SUSD6: variants seen among roughly 807,000 people sequenced by gnomAD.
SUSD6 encodes sushi domain-containing protein 6.
A neutral mutation model predicts 28.4 loss-of-function variants in SUSD6; 16 were observed. The observed-to-expected ratio is 0.56, with a 90% CI of 0.38 to 0.86. SUSD6 has a LOEUF of 0.86. Ranked by LOEUF, SUSD6 falls within the 40% of genes least tolerant of loss-of-function variation. The probability of loss-of-function intolerance (pLI) is 0.00; values close to 1 mark genes in which losing one functional copy is unlikely to be tolerated. For synonymous variants in SUSD6, 147 were observed against 159.6 expected (o/e 0.92, Z 0.59); for missense variants, 341 against 384.2 (o/e 0.89, Z 0.94).
At chr14:69,695,122 G>A (rs964437519) in intron 2 of SUSD6, among the ~76,000 whole-genome samples, 3 of 150,986 alleles carry the variant, frequency 2.0e-5, no homozygotes, top group African/African-American at 7.4e-5. Flanking sequence ...TGTCTCATAG[G>A]AGAGGAAGGT....
chr14:69,664,768 C>T (rs1256392497), intron 2 of SUSD6, among the ~76,000 whole-genome samples: 2 of 152,208 alleles, frequency 1.3e-5, no homozygotes, highest in South Asian at 2.1e-4. Flanking sequence ...AGCAATGGTG[C>T]CCCACTACCC....
intron 1 of SUSD6, among the ~76,000 whole-genome samples, chr14:69,639,061 C>T (rs1336713193): frequency 6.6e-6 from 1 of 152,136 alleles, no homozygotes; most frequent in African/African-American, 2.4e-5. Context: ...TGCAGTGGCT[C>T]ACGCCTGTAA....
At chr14:69,680,209 GCC>G (rs1450641212) in intron 2 of SUSD6, among the ~76,000 whole-genome samples, 1 of 152,114 alleles carries the variant, frequency 6.6e-6, no homozygotes, top group Non-Finnish European at 1.5e-5. Context: ...CCTCTCTGCA[GCC>G]CCTAACCCAC....
intron 2 of SUSD6, among the ~76,000 whole-genome samples, chr14:69,661,594 A>G (rs528334965): frequency 6.6e-6 from 1 of 152,088 alleles, no homozygotes; most frequent in African/African-American, 2.4e-5. Flanking sequence ...AGTTGCTACC[A>G]ATGTTTTTCC....
chr14:69,698,693 C>T (rs1004203184), intron 2 of SUSD6, among the ~76,000 whole-genome samples: 2 of 152,136 alleles, frequency 1.3e-5, no homozygotes, highest in Non-Finnish European at 2.9e-5. Flanking sequence ...GCTGAGGCGA[C>T]GGAGGTGGTG....
chr14:69,649,288 C>T (rs1312822395), intron 1 of SUSD6, among the ~76,000 whole-genome samples: 4 of 152,168 alleles, frequency 2.6e-5, no homozygotes, highest in Non-Finnish European at 5.9e-5. Flanking sequence ...TCATTGGAGA[C>T]ACAGAGCCCT....
chr14:69,635,504 T>TAAG (rs1595035618), intron 1 of SUSD6, among the ~76,000 whole-genome samples: 1 of 152,248 alleles, frequency 6.6e-6, no homozygotes, highest in East Asian at 1.9e-4. Flanking sequence ...CTGTACTTAC[T>TAAG]TGCCTTTCAG....
intron 1 of SUSD6, among the ~76,000 whole-genome samples, chr14:69,630,520 A>G (rs1160365465): frequency 6.6e-6 from 1 of 152,236 alleles, no homozygotes; most frequent in Non-Finnish European, 1.5e-5. Context: ...GAGGAAGGAC[A>G]GAATTGGTGA....
chr14:69,625,060 C>A (rs1443900285), intron 1 of SUSD6, among the ~76,000 whole-genome samples: 1 of 152,120 alleles, frequency 6.6e-6, no homozygotes, highest in Non-Finnish European at 1.5e-5. Flanking sequence ...CTAAAAGATA[C>A]TTAAATGGCA....
chr14:69,646,507 A>G (rs1437209545), intron 1 of SUSD6, among the ~76,000 whole-genome samples: 1 of 151,940 alleles, frequency 6.6e-6, no homozygotes, highest in Non-Finnish European at 1.5e-5. Context: ...ATTCATTTCT[A>G]ATTTGCCTGC....
intron 2 of SUSD6, among the ~76,000 whole-genome samples, chr14:69,678,583 G>A (rs1210182016): frequency 2.0e-5 from 3 of 151,924 alleles, no homozygotes; most frequent in African/African-American, 2.4e-5. Context: ...TGGGCAGATC[G>A]CTTGAGCCCA....
At chr14:69,685,644 A>C (rs752204089) in intron 2 of SUSD6, among the ~76,000 whole-genome samples, 1 of 152,230 alleles carries the variant, frequency 6.6e-6, no homozygotes, top group South Asian at 2.1e-4. Flanking sequence ...GGACCTACCT[A>C]AGAATATATT....
At chr14:69,673,282 G>A (rs571851592) in intron 2 of SUSD6, among the ~76,000 whole-genome samples, 35 of 152,328 alleles carry the variant, frequency 2.3e-4, no homozygotes, top group African/African-American at 8.2e-4. Context: ...CATCCCCAGA[G>A]TTTCTGGTTC....
intron 1 of SUSD6, among the ~76,000 whole-genome samples, chr14:69,634,136 A>G (rs1466879157): frequency 1.3e-5 from 2 of 152,212 alleles, no homozygotes; most frequent in Non-Finnish European, 2.9e-5. Context: ...TTCTTGGGGA[A>G]TGATGGTGAG....
chr14:69,666,833 T>G (rs1397079665), intron 2 of SUSD6, among the ~76,000 whole-genome samples: 1 of 152,220 alleles, frequency 6.6e-6, no homozygotes, highest in African/African-American at 2.4e-5. Flanking sequence ...TTCATTCTTT[T>G]TAAATCACAA....
At chr14:69,682,947 CTTTTTTTT>C (rs5809442) in intron 2 of SUSD6, among the ~76,000 whole-genome samples, 5,012 of 62,934 alleles carry the variant, frequency 0.08, 345 homozygotes, top group African/African-American at 0.22. Context: ...TCCAAGAAGC[CTTTTTTTT>C]TTTTTTTTTT....
intron 2 of SUSD6, among the ~76,000 whole-genome samples, chr14:69,699,635 T>A (rs1168584086): frequency 6.6e-6 from 1 of 152,064 alleles, no homozygotes; most frequent in Admixed American, 6.6e-5. Context: ...TTCTTTTCTA[T>A]GACCTTCATA....
intron 1 of SUSD6, among the ~76,000 whole-genome samples, chr14:69,631,458 A>G (rs1390824529): frequency 1.3e-5 from 2 of 152,104 alleles, no homozygotes; most frequent in East Asian, 1.9e-4. Flanking sequence ...TATCTGTGTA[A>G]GCTTGGATAG....
intron 2 of SUSD6, among the ~76,000 whole-genome samples, chr14:69,661,334 G>A (rs536964935): frequency 6.6e-6 from 1 of 152,128 alleles, no homozygotes; most frequent in South Asian, 2.1e-4. Flanking sequence ...CTCAAGATCC[G>A]AAATCCATTA....
Sources: gnomAD v4.1 joint callset for allele counts (sites outside exome capture counted in the v4.1 genomes callset) on GRCh38, gnomAD v4.1.1 for gene constraint, MANE v1.5 for transcripts, NCBI Gene and HGNC (gene_info 2026-07-23, HGNC 2026-07-21) for gene names.